The following MANEA variants were observed in gnomAD, a reference collection of about 807,000 sequenced individuals.
MANEA encodes the protein mannosidase endo-alpha.
MANEA carries 25 observed loss-of-function variants against 36.8 expected under a neutral mutation model. That is an observed-to-expected ratio of 0.68 (90% CI 0.50 to 0.95). The LOEUF is 0.95. Ranked by LOEUF, MANEA falls within the 40% of genes least tolerant of loss-of-function variation. The probability of loss-of-function intolerance (pLI) is 0.00; values close to 1 mark genes in which losing one functional copy is unlikely to be tolerated. For missense variants in MANEA, 565 were observed against 558.8 expected, an observed-to-expected ratio of 1.01 and a Z score of -0.11; for synonymous variants, 198 against 188.5, an observed-to-expected ratio of 1.05 and a Z score of -0.41.
intron 2 of MANEA, 42 bp from the exon 3 acceptor site, chr6:95,596,695 A>C (rs1163580629): frequency 9.6e-6 from 10 of 1,036,576 alleles, no homozygotes; most frequent in Non-Finnish European, 1.5e-5. Flanking sequence ...ATCTGCATTC[A>C]TGTTCTTGTC....
intron 1 of MANEA, among the ~76,000 whole-genome samples, chr6:95,585,047 G>A (rs1034228060): frequency 1.3e-5 from 2 of 151,950 alleles, no homozygotes; most frequent in African/African-American, 4.8e-5. Flanking sequence ...TCAGCATTGT[G>A]CCAAATACCT....
chr6:95,591,088 T>C (rs9488910), intron 2 of MANEA, among the ~76,000 whole-genome samples: 65,199 of 152,100 alleles, frequency 0.43, 14,348 homozygotes, highest in Middle Eastern at 0.59. Context: ...GGTCATAGTT[T>C]GCTGATCACT....
At chr6:95,586,358 C>T in intron 1 of MANEA, 44 bp from the exon 2 acceptor site, 8 of 1,117,824 alleles carry the variant, frequency 7.2e-6, no homozygotes, top group South Asian at 1.5e-5. Flanking sequence ...TTGGAAAATA[C>T]TGTTGATAAC....
intron 2 of MANEA, among the ~76,000 whole-genome samples, chr6:95,594,904 A>G (rs187778075): frequency 6.6e-6 from 1 of 151,998 alleles, no homozygotes; most frequent in East Asian, 1.9e-4. Context: ...TTTTCCCTTC[A>G]ATTTGGCCAG....
At chr6:95,589,205 G>T (rs1031829282) in intron 2 of MANEA, among the ~76,000 whole-genome samples, 4 of 152,078 alleles carry the variant, frequency 2.6e-5, no homozygotes, top group Non-Finnish European at 5.9e-5. Context: ...TAATTTGACT[G>T]TTGGAATACT....
chr6:95,580,578 A>T (rs1485301055), intron 1 of MANEA, among the ~76,000 whole-genome samples: 1 of 151,948 alleles, frequency 6.6e-6, no homozygotes, highest in Non-Finnish European at 1.5e-5. Context: ...ACAAAAAATT[A>T]GCCAGGCGTG....
At chr6:95,587,005 A>ATATATATGTG (rs148967607) in intron 2 of MANEA, 22 bp downstream of exon 2, 169 of 1,337,090 alleles carry the variant, frequency 1.3e-4, no homozygotes, top group Non-Finnish European at 1.6e-4. Flanking sequence ...ATATATATAT[A>ATATATATGTG]TGTGTGTTTG....
chr6:95,604,968 A>G (rs957562634), intron 4 of MANEA, 65 bp downstream of exon 4: 4 of 542,450 alleles, frequency 7.4e-6, no homozygotes, highest in Non-Finnish European at 1.2e-5. Flanking sequence ...TTTTAAGAAT[A>G]GTACATTAAA....
At chr6:95,584,742 GT>G (rs1158519554) in intron 1 of MANEA, among the ~76,000 whole-genome samples, 17 of 152,240 alleles carry the variant, frequency 1.1e-4, no homozygotes, top group African/African-American at 3.9e-4. Flanking sequence ...TGCTGGTTTT[GT>G]GGCTCAGGTG....
intron 2 of MANEA, among the ~76,000 whole-genome samples, chr6:95,588,430 A>G (rs547081208): frequency 1.3e-5 from 2 of 152,104 alleles, no homozygotes; most frequent in Admixed American, 1.3e-4. Flanking sequence ...TTTATAGTAT[A>G]GTTAGAGATT....
rs764384484 is a variant in MANEA at position 95,586,837 on chromosome 6, C to G, written c.398C>G (p.Pro133Arg). The G allele has an allele frequency of 1.7e-5, 28 of 1,613,878 alleles. No homozygotes were observed. Among genetic ancestry groups the G allele is most frequent in the Non-Finnish European group, 2.2e-5 (26 of 1,179,870 alleles). Reference sequence around the variant, plus strand: ...CATCCAGTGTTAGAGCATTGGGACCCTAGAATAGCCAAGAATTATCCACAA... The same window carrying G: ...CATCCAGTGTTAGAGCATTGGGACCGTAGAATAGCCAAGAATTATCCACAA... Reference protein sequence around the residue: ...WNHPVLEHWDPRIAKNYPQGR... With the variant: ...WNHPVLEHWDRRIAKNYPQGR... Residue 133 changes from proline to arginine, a missense_variant, in exon 2 of 5, where the codon CCT becomes CGT. Pro to Arg is a moderately radical substitution (Grantham distance 103). Transcript: ENST00000358812.
At chr6:95,589,041 C>T (rs190947383) in intron 2 of MANEA, among the ~76,000 whole-genome samples, 16 of 151,924 alleles carry the variant, frequency 1.1e-4, no homozygotes, top group African/African-American at 1.9e-4. Flanking sequence ...AGCTTCACTA[C>T]GGATGCAAAT....
At chr6:95,601,710 T>G (rs1769594084) in intron 3 of MANEA, among the ~76,000 whole-genome samples, 1 of 141,462 alleles carries the variant, frequency 7.1e-6, no homozygotes, top group Admixed American at 7.7e-5. Flanking sequence ...TTAGGCAGAT[T>G]CAGTGATTTT....
intron 1 of MANEA, among the ~76,000 whole-genome samples, chr6:95,578,365 A>C (rs1769113535): frequency 6.6e-6 from 1 of 152,188 alleles, no homozygotes; most frequent in South Asian, 2.1e-4. Flanking sequence ...TGTTAGGAGA[A>C]AATGTGGAAG....
intron 2 of MANEA, 33 bp downstream of exon 2, chr6:95,587,016 T>C (rs1327744058): frequency 7.9e-7 from 1 of 1,270,036 alleles, no homozygotes; most frequent in African/African-American, 1.5e-5. Flanking sequence ...TGTGTGTTTG[T>C]GTCTGTATAT....
chr6:95,582,758 C>T (rs1423057763), intron 1 of MANEA, among the ~76,000 whole-genome samples: 3 of 152,102 alleles, frequency 2.0e-5, no homozygotes, highest in African/African-American at 7.2e-5. Context: ...ACTTATTATA[C>T]GTTGCATTGT....
At chr6:95,603,052 AT>A (rs1562200738) in intron 3 of MANEA, among the ~76,000 whole-genome samples, 8 of 139,402 alleles carry the variant, frequency 5.7e-5, no homozygotes, top group Non-Finnish European at 9.2e-5. Flanking sequence ...AAAAAAAAAA[AT>A]TGCAAAGTAA....
At chr6:95,592,811 C>A (rs572358378) in intron 2 of MANEA, among the ~76,000 whole-genome samples, 60 of 152,210 alleles carry the variant, frequency 3.9e-4, no homozygotes, top group Non-Finnish European at 7.4e-4. Flanking sequence ...AAATAACTTA[C>A]CTAAAGATAC....
intron 3 of MANEA, among the ~76,000 whole-genome samples, chr6:95,603,006 G>T (rs1212011219): frequency 8.8e-6 from 1 of 114,274 alleles, no homozygotes; most frequent in African/African-American, 3.5e-5. Flanking sequence ...CGGCCTGGGC[G>T]ACAGAGCGAG....
Sources: gnomAD v4.1 joint callset for allele counts (sites outside exome capture counted in the v4.1 genomes callset) on GRCh38, gnomAD v4.1.1 for gene constraint, MANE v1.5 for transcripts, NCBI Gene and HGNC (gene_info 2026-07-23, HGNC 2026-07-21) for gene names.